CEP72: variants seen among roughly 807,000 people sequenced by gnomAD.
CEP72 encodes the protein centrosomal protein 72, also known as centrosomal protein of 72 kDa.
Under a neutral mutation model 65.7 loss-of-function variants are expected in CEP72, and 78 were observed. The ratio of observed to expected loss-of-function variants is 1.19; its 90% CI spans 0.99 to 1.43. The LOEUF (loss-of-function observed/expected upper bound fraction) is 1.43, where lower values mean the gene tolerates loss of function less well. Among genes scored for constraint, CEP72 ranks in the 40% most tolerant of loss-of-function variants. CEP72 has a pLI of 0.00. For missense variants in CEP72, 914 were observed against 832.9 expected, an observed-to-expected ratio of 1.10 and a Z score of -1.20; for synonymous variants, 358 against 351.7, an observed-to-expected ratio of 1.02 and a Z score of -0.20.
chr5:635,332 C>A, intron 5 of CEP72, 40 bp from the exon 6 acceptor site: 1 of 1,413,334 alleles, frequency 7.1e-7, no homozygotes, highest in Non-Finnish European at 9.8e-7. Flanking sequence ...AAAACTTTTA[C>A]AATGTTTTAT....
At position 635,519 on chromosome 5, in the gene CEP72, T is replaced by C. The variant is rs1003458225; in HGVS notation, c.839T>C (p.Leu280Pro). 3.1e-6 allele frequency: 5 copies of C among 1,614,098 alleles called. No homozygotes were observed. The highest frequency in any genetic ancestry group is 2.2e-5 in the East Asian group (1 of 44,888). Reference sequence around the variant, plus strand: ...CAGCTCTGTGGAGAGCTTCCGCCACTGTACGGAGCGGAGCCAGAGGCCTCC... The same window carrying C: ...CAGCTCTGTGGAGAGCTTCCGCCACCGTACGGAGCGGAGCCAGAGGCCTCC... ...WSQLCGELPP[L>P]YGAEPEASRA... Residue 280 changes from leucine (L) to proline (P), a missense_variant, in exon 6 of 12, where the codon CTG (leucine) becomes CCG (proline). Physicochemically the swap from Leu to Pro is moderately conservative, Grantham distance 98. Transcript: ENST00000264935.
At chr5:670,787 C>T (rs1013776585), downstream of CEP72, among the ~76,000 whole-genome samples, 43 of 152,332 alleles carry the variant, frequency 2.8e-4, no homozygotes, top group African/African-American at 9.4e-4. Context: ...CAACGTTTCC[C>T]GGGGCCGACA....
intron 6 of CEP72, among the ~76,000 whole-genome samples, chr5:635,787 TG>T (rs1737552013): frequency 7.7e-6 from 1 of 129,328 alleles, no homozygotes; most frequent in East Asian, 3.0e-4. Flanking sequence ...GACAGAGAAA[TG>T]GAGCTAGACT....
chr5:622,740 G>A (rs1040256866), intron 3 of CEP72, among the ~76,000 whole-genome samples: 1 of 149,618 alleles, frequency 6.7e-6, no homozygotes, highest in Non-Finnish European at 1.5e-5. Flanking sequence ...TGGGGCCGTG[G>A]ACATTAACAA....
intron 5 of CEP72, among the ~76,000 whole-genome samples, chr5:634,509 T>C (rs1304129564): frequency 2.0e-5 from 3 of 152,248 alleles, no homozygotes; most frequent in Non-Finnish European, 4.4e-5. Flanking sequence ...TAGGTTCATC[T>C]GTGCAAAGAT....
chr5:653,437 G>C lies in CEP72; in HGVS notation c.*284G>C, dbSNP rs1739242838. On this transcript the variant is annotated 3_prime_UTR_variant, in exon 12 of 12. Transcript: ENST00000264935. Reference sequence around the variant, plus strand: ...CTTGTATCCAGTATCCTGAGATGAAGTAAATGCAGTGTTCTACTGCCTGAT... The same window carrying C: ...CTTGTATCCAGTATCCTGAGATGAACTAAATGCAGTGTTCTACTGCCTGAT... The C allele has an allele frequency of 7.1e-6, 2 of 282,810 alleles. No individual in the cohort carries two copies. The highest frequency in any genetic ancestry group is 1.3e-5 in the Non-Finnish European group (2 of 152,868). The allele number at this position is 282,810 out of a possible 1,614,324, so 17.5% of individuals were successfully genotyped here.
At chr5:619,740 G>A (rs189960300) in intron 2 of CEP72, among the ~76,000 whole-genome samples, 13 of 152,354 alleles carry the variant, frequency 8.5e-5, no homozygotes, top group South Asian at 6.2e-4. Context: ...GTGAAGGGGG[G>A]GCTGATGGTT....
Position 645,314 on chromosome 5 carries a change from A to G in CEP72, c.1666+889A>G, listed in dbSNP as rs1347101601. ...CCGTTGGTTTTTATTGGGTTGTTTTATCGAGCGGTAAGAGTTCCTTAGAGT... is the reference window on the plus strand; with the variant it reads ...CCGTTGGTTTTTATTGGGTTGTTTTGTCGAGCGGTAAGAGTTCCTTAGAGT... On this transcript the variant is annotated intron_variant, in intron 10 of 11. Coordinates refer to ENST00000264935, the MANE Select transcript of CEP72 (RefSeq NM_018140.4). This position sits in a 1 kb window ranked among gnomAD's most constrained non-coding sequence, Gnocchi z 4.0. 1.3e-5 allele frequency among the ~76,000 whole-genome samples: 2 copies of G among 151,856 alleles called. No individual in the cohort carries two copies. Among genetic ancestry groups the G allele is most frequent in the African/African-American group, 4.8e-5 (2 of 41,298 alleles).
intron 11 of CEP72, among the ~76,000 whole-genome samples, chr5:648,695 G>A (rs1448592890): frequency 7.4e-6 from 1 of 134,342 alleles, no homozygotes; most frequent in Non-Finnish European, 1.6e-5. Flanking sequence ...TGACTGTGAG[G>A]CGTGAATGTG....
chr5:657,490 A>G (rs1739409343), downstream of CEP72, among the ~76,000 whole-genome samples: 1 of 152,174 alleles, frequency 6.6e-6, no homozygotes, highest in Non-Finnish European at 1.5e-5. Flanking sequence ...TAAGATTATA[A>G]TTATTTCTTC....
chr5:623,296 G>A lies in CEP72; in HGVS notation c.404-1175G>A, dbSNP rs998977036. On this transcript the variant is annotated intron_variant, in intron 3 of 11. Transcript: ENST00000264935. This position sits in a 1 kb window ranked among gnomAD's most constrained non-coding sequence, Gnocchi z 5.3. ...CAGTCAGAGGCGCTGCGGGAACCAC[G>A]GAGGTGCGGGGCCCCGGGACGGCCT... Among the ~76,000 whole-genome samples the A allele has an allele frequency of 2.0e-5, 3 of 152,268 alleles. No individual in the cohort carries two copies. Among genetic ancestry groups the A allele is most frequent in the African/African-American group, 4.8e-5 (2 of 41,468 alleles).
At chr5:664,093 G>C (rs1333113511) in intron 2 of CEP72, 3 of 152,568 alleles carry the variant, frequency 2.0e-5, no homozygotes, top group Admixed American at 1.3e-4. Context: ...TCTCCGGCGG[G>C]GGGGATTGGC....
In CEP72 at chr5:612,457, C is replaced by A; in HGVS notation, c.82+14C>A. The A allele has an allele frequency of 1.0e-6, 1 of 977,896 alleles. No homozygotes were observed. The highest frequency in any genetic ancestry group is 1.7e-5 in the South Asian group (1 of 57,964). 60.6% of individuals were successfully genotyped at this position (977,896 alleles called of 1,614,324 possible). ...ACCGCGACCTGGGTGCGCCGGAGGG[C>A]GGGCGGGGGTGCAAGCGTGAGGTGG... On this transcript the variant is annotated intron_variant, in intron 1 of 11. Transcript: ENST00000264935.
Position 623,240 on chromosome 5 carries a change from A to G in CEP72, c.404-1231A>G, listed in dbSNP as rs1407521698. Among the ~76,000 whole-genome samples the G allele has an allele frequency of 1.3e-5, 2 of 152,352 alleles. No homozygotes were observed. Among genetic ancestry groups the G allele is most frequent in the Admixed American group, 1.3e-4 (2 of 15,306 alleles). On this transcript the variant is annotated intron_variant, in intron 3 of 11. Transcript: ENST00000264935. This position sits in a 1 kb window ranked among gnomAD's most constrained non-coding sequence, Gnocchi z 5.3. The stretch of plus-strand genomic sequence containing the variant: ...AGAAGGAGCACAACCGTCTCCCCGC[A>G]TGTGAGAGATGCTTCCTGCAGTGGC...
rs968195266 is a variant in CEP72 at position 619,106 on chromosome 5, G to T, written c.199G>T (p.Val67Phe). Reference sequence around the variant, plus strand: ...TTTGGATCTCTCGCGCAACTCCTTGGTTAGTCTGGAGGTAAGTTTTAGGTC... The same window carrying T: ...TTTGGATCTCTCGCGCAACTCCTTGTTTAGTCTGGAGGTAAGTTTTAGGTC... ...KSLDLSRNSL[V>F]SLEGIQYLTA... The change falls in exon 2 of 12, where the codon GTT becomes TTT. Residue 67 changes from valine to phenylalanine, a missense_variant. Val to Phe is a conservative substitution (Grantham distance 50). Coordinates refer to ENST00000264935, the MANE Select transcript of CEP72 (RefSeq NM_018140.4). The T allele has an allele frequency of 4.3e-6, 7 of 1,613,032 alleles. No individual in the cohort carries two copies. The East Asian group carries it at 1.3e-4, about 31-fold the overall frequency.
At chr5:622,333 T>A (rs1307871291) in intron 3 of CEP72, among the ~76,000 whole-genome samples, 1 of 152,260 alleles carries the variant, frequency 6.6e-6, no homozygotes, top group Non-Finnish European at 1.5e-5. Context: ...ACAGTATCCC[T>A]GGGTCCTGGT....
At chr5:675,665 A>C in the CEP72 span, among the ~76,000 whole-genome samples, 1 of 151,900 alleles carries the variant, frequency 6.6e-6, no homozygotes, top group Non-Finnish European at 1.5e-5. Flanking sequence ...TCGAGGGCTG[A>C]GCCCCAGCCC....
At chr5:639,988 C>T (rs561326485) in intron 8 of CEP72, among the ~76,000 whole-genome samples, 3 of 152,302 alleles carry the variant, frequency 2.0e-5, no homozygotes, top group Admixed American at 2.0e-4. Flanking sequence ...AGGCTGGTGT[C>T]CTGTGGGAGC....
Position 623,884 on chromosome 5 carries a change from C to T in CEP72, c.404-587C>T, listed in dbSNP as rs1736561764. Among the ~76,000 whole-genome samples the T allele has an allele frequency of 6.6e-6, 1 of 152,170 alleles. No homozygotes were observed. ...GGGCGTGCTGTAGGCTAAATGGAGG[C>T]AGCGTGGGAACTTGTCACAGAATTC... is the stretch of plus-strand genomic sequence containing the variant. On this transcript the variant is annotated intron_variant, in intron 3 of 11. Coordinates refer to ENST00000264935, the MANE Select transcript of CEP72 (RefSeq NM_018140.4). This position sits in a 1 kb window ranked among gnomAD's most constrained non-coding sequence, Gnocchi z 5.3.
Sources: allele counts gnomAD v4.1 joint callset (sites outside exome capture counted in the v4.1 genomes callset), GRCh38; gene constraint gnomAD v4.1.1; non-coding constraint Gnocchi (gnomAD v3.1); transcripts MANE v1.5; gene names NCBI Gene and HGNC (gene_info 2026-07-23, HGNC 2026-07-21).